Variants in PDE4B observed in about 807,000 individuals in gnomAD.
The protein encoded by PDE4B is 3',5'-cyclic-AMP phosphodiesterase 4B.
Under a neutral mutation model 82.2 loss-of-function variants are expected in PDE4B, and 20 were observed. That is an observed-to-expected ratio of 0.24 (90% CI 0.17 to 0.35). PDE4B has a LOEUF of 0.35. Ranked by LOEUF, PDE4B falls within the 10% of genes least tolerant of loss-of-function variation. The probability of loss-of-function intolerance (pLI) is 1.00; values close to 1 mark genes in which losing one functional copy is unlikely to be tolerated. For synonymous variants in PDE4B, 320 were observed against 318.9 expected (o/e 1.00, Z -0.04); for missense variants, 655 against 907.2 (o/e 0.72, Z 3.57).
At chr1:65,838,050 A>G (rs988502800) in intron 1 of PDE4B, among the ~76,000 whole-genome samples, 3 of 152,212 alleles carry the variant, frequency 2.0e-5, no homozygotes, top group Non-Finnish European at 4.4e-5. Flanking sequence ...TCATTGCAAA[A>G]ATAAATGCAT....
intron 7 of PDE4B, among the ~76,000 whole-genome samples, chr1:66,311,583 C>G (rs1213029029): frequency 3.3e-5 from 5 of 152,246 alleles, no homozygotes; most frequent in African/African-American, 2.4e-5. Flanking sequence ...GAGAGAACTT[C>G]TGGCTGGGAG....
intron 8 of PDE4B, among the ~76,000 whole-genome samples, chr1:66,340,942 T>C (rs1341707013): frequency 6.6e-6 from 1 of 152,196 alleles, no homozygotes; most frequent in African/African-American, 2.4e-5. Context: ...ACCAACTATC[T>C]AATGTCTTTG....
At chr1:65,867,736 C>A (rs1646527443) in intron 1 of PDE4B, among the ~76,000 whole-genome samples, 1 of 152,206 alleles carries the variant, frequency 6.6e-6, no homozygotes, top group Non-Finnish European at 1.5e-5. Context: ...ATTCTCTATG[C>A]CCTACATCAT....
intron 3 of PDE4B, among the ~76,000 whole-genome samples, chr1:66,075,186 C>T (rs976162358): frequency 1.3e-5 from 2 of 149,386 alleles, no homozygotes; most frequent in Admixed American, 1.3e-4. Flanking sequence ...ATAAAAATTG[C>T]TGTCTAACAC....
intron 7 of PDE4B, among the ~76,000 whole-genome samples, chr1:66,292,849 T>A (rs1570637966): frequency 6.6e-6 from 1 of 152,326 alleles, no homozygotes; most frequent in East Asian, 1.9e-4. Flanking sequence ...AAAAGTAACA[T>A]AAATACTTCT....
At chr1:66,204,436 GC>G (rs540238497) in intron 3 of PDE4B, among the ~76,000 whole-genome samples, 27 of 152,246 alleles carry the variant, frequency 1.8e-4, no homozygotes, top group Non-Finnish European at 3.7e-4. Flanking sequence ...TCTGTGCCCT[GC>G]CCCCATAGGT....
chr1:66,162,197 GCT>G (rs1646627865), intron 3 of PDE4B, among the ~76,000 whole-genome samples: 3 of 151,794 alleles, frequency 2.0e-5, no homozygotes, highest in African/African-American at 7.3e-5. Context: ...GTGCCCTGAG[GCT>G]CTAGGGATGT....
intron 7 of PDE4B, among the ~76,000 whole-genome samples, chr1:66,317,452 T>G (rs1322057310): frequency 6.6e-6 from 1 of 152,192 alleles, no homozygotes; most frequent in Non-Finnish European, 1.5e-5. Context: ...TGCTTATCCC[T>G]TCTTAATTAA....
chr1:65,821,918 T>C (rs944794464), intron 1 of PDE4B, among the ~76,000 whole-genome samples: 96 of 152,164 alleles, frequency 6.3e-4, no homozygotes, highest in African/African-American at 2.3e-3. Flanking sequence ...GGTATAAATA[T>C]AGCAAAACAA....
At chr1:66,013,439 AT>A (rs1652599280) in intron 3 of PDE4B, among the ~76,000 whole-genome samples, 1 of 152,100 alleles carries the variant, frequency 6.6e-6, no homozygotes, top group African/African-American at 2.4e-5. Context: ...AACTATCTTC[AT>A]TTCACTAATT....
chr1:65,902,343 A>T (rs1646981027), intron 1 of PDE4B, among the ~76,000 whole-genome samples: 1 of 152,126 alleles, frequency 6.6e-6, no homozygotes, highest in Admixed American at 6.6e-5. Context: ...GGATCAAATG[A>T]CTTGTTAATG....
chr1:66,359,460 C>T (rs886810209), intron 9 of PDE4B, among the ~76,000 whole-genome samples: 3 of 152,156 alleles, frequency 2.0e-5, no homozygotes, highest in Non-Finnish European at 4.4e-5. Context: ...AGAGGAAATT[C>T]AGAATAGGGA....
intron 1 of PDE4B, among the ~76,000 whole-genome samples, chr1:65,844,442 C>T (rs1403800450): frequency 6.6e-6 from 1 of 152,134 alleles, no homozygotes; most frequent in East Asian, 1.9e-4. Flanking sequence ...TGGACTCTCG[C>T]AGACCGTTGT....
At chr1:65,950,022 G>A (rs373807337) in intron 3 of PDE4B, among the ~76,000 whole-genome samples, 19 of 152,004 alleles carry the variant, frequency 1.2e-4, no homozygotes, top group Admixed American at 2.6e-4. Context: ...TTCTTCAACC[G>A]TGGCTGCCAT....
intron 3 of PDE4B, among the ~76,000 whole-genome samples, chr1:66,163,504 A>G (rs1224451568): frequency 6.6e-6 from 1 of 152,076 alleles, no homozygotes; most frequent in East Asian, 1.9e-4. Context: ...TTATTTTTGT[A>G]TCTCTTATGA....
intron 3 of PDE4B, among the ~76,000 whole-genome samples, chr1:66,213,361 C>G (rs1650213411): frequency 6.6e-6 from 1 of 151,984 alleles, no homozygotes; most frequent in African/African-American, 2.4e-5. Context: ...CAAGATTTAC[C>G]TTAAGATGCC....
At chr1:65,968,636 ATTTCC>A (rs1649976921) in intron 3 of PDE4B, among the ~76,000 whole-genome samples, 1 of 152,158 alleles carries the variant, frequency 6.6e-6, no homozygotes, top group African/African-American at 2.4e-5. Flanking sequence ...CCTAAATTGC[ATTTCC>A]TTGTGAATTG....
Position 66,264,727 on chromosome 1 carries a change from G to T in PDE4B, c.585-1311G>T, listed in dbSNP as rs72924479. ...CCCTAAAGGACCAGAGATTAATTCA[G>T]AGCAGTAGAAAAACCTAGGGAATTA... On this transcript the variant is annotated intron_variant, in intron 6 of 16. Transcript: ENST00000341517. Among the ~76,000 whole-genome samples, 799 of 152,298 alleles carry T rather than the reference G, an allele frequency of 5.2e-3. 6 individuals carry two copies. Among genetic ancestry groups the T allele is most frequent in the African/African-American group, 0.018 (758 of 41,554 alleles).
At chr1:66,153,390 A>G (rs1048187315) in intron 3 of PDE4B, among the ~76,000 whole-genome samples, 3 of 152,138 alleles carry the variant, frequency 2.0e-5, no homozygotes, top group African/African-American at 4.8e-5. Context: ...CTTGAAGTAA[A>G]GCCTCCTTGC....
Sources: gnomAD v4.1 joint callset for allele counts (sites outside exome capture counted in the v4.1 genomes callset) on GRCh38, gnomAD v4.1.1 for gene constraint, MANE v1.5 for transcripts, NCBI Gene and HGNC (gene_info 2026-07-23, HGNC 2026-07-21) for gene names.